Variants in TUBB3 observed in about 807,000 individuals in gnomAD.
TUBB3 encodes the protein tubulin beta-3 chain.
TUBB3 carries 17 observed loss-of-function variants against 37.8 expected under a neutral mutation model. That is an observed-to-expected ratio of 0.45 (90% confidence interval 0.31 to 0.67). The LOEUF (loss-of-function observed/expected upper bound fraction) is 0.67, where lower values mean the gene tolerates loss of function less well. Among genes scored for constraint, TUBB3 ranks in the 30% least tolerant of loss-of-function variants. The probability of loss-of-function intolerance (pLI) is 0.07; values close to 1 mark genes in which losing one functional copy is unlikely to be tolerated. For synonymous variants in TUBB3, 332 were observed against 278.9 expected (o/e 1.19, Z -1.90); for missense variants, 262 against 657.9 (o/e 0.40, Z 6.58).
At chr16:89,925,153 G>A (rs1363461514) in intron 1 of TUBB3, among the ~76,000 whole-genome samples, 3 of 152,228 alleles carry the variant, frequency 2.0e-5, no homozygotes, top group Non-Finnish European at 4.4e-5. Flanking sequence ...GGCTCCACGG[G>A]TAGCAGAGGG....
At chr16:89,930,888 C>T (rs2030256990) in intron 1 of TUBB3, among the ~76,000 whole-genome samples, 1 of 151,168 alleles carries the variant, frequency 6.6e-6, no homozygotes, top group Admixed American at 6.6e-5. Context: ...AGTGCAATGG[C>T]ATGATCTCAG....
rs891008533 is a variant in TUBB3, at chr16:89,923,356, C to T, written c.-46C>T. 3 of 1,430,516 alleles carry T rather than the reference C, an allele frequency of 2.1e-6. No individual in the cohort carries two copies. Among genetic ancestry groups the T allele is most frequent in the East Asian group, 3.2e-5 (1 of 30,828 alleles). 88.6% of individuals were successfully genotyped at this position (1,430,516 alleles called of 1,614,324 possible). A position where few individuals can be genotyped will look rare whatever the true frequency, so the allele number is the denominator to read the frequency against. ...GGTCCCCGACCCTCAGCAGCCAGCC[C>T]GGCCCGCCCGCGCCCGTCCGCAGCC... On this transcript the variant is annotated 5_prime_UTR_variant, in exon 1 of 4. Transcript: ENST00000315491.
intron 1 of TUBB3, among the ~76,000 whole-genome samples, chr16:89,929,480 G>C (rs182442759): frequency 6.6e-6 from 1 of 152,092 alleles, no homozygotes; most frequent in Non-Finnish European, 1.5e-5. Context: ...CATGCTGTCC[G>C]CGTTACAATA....
Position 89,935,153 on chromosome 16 carries a change from C to T in TUBB3, c.702C>T (p.Ser234=), listed in dbSNP as rs147245174. Residue 234 remains serine, a synonymous_variant, in exon 4 of 4, where the codon AGC becomes AGT. Coordinates refer to ENST00000315491, the MANE Select transcript of TUBB3 (RefSeq NM_006086.4). The part of the protein sequence containing the change: ...DLNHLVSATM[S]GVTTSLRFPG... ...ACCACCTGGTATCGGCCACCATGAG[C>T]GGAGTCACCACCTCCTTGCGCTTCC... 0.013 allele frequency: 20,448 copies of T among 1,614,080 alleles called. 204 individuals are homozygous for T. The highest frequency in any genetic ancestry group is 0.036 in the South Asian group (3,274 of 91,086).
In TUBB3 at chr16:89,932,645, G is replaced by T; in HGVS notation, c.132G>T (p.Leu44=). The change falls in exon 2 of 4, where the codon CTG becomes CTT. Residue 44 remains leucine, a synonymous_variant. Coordinates refer to ENST00000315491, the MANE Select transcript of TUBB3 (RefSeq NM_006086.4). ...ACGTGGGCGACTCGGACTTGCAGCTGGAGCGGATCAGCGTCTACTACAACG... is the reference window on the plus strand; with the variant it reads ...ACGTGGGCGACTCGGACTTGCAGCTTGAGCGGATCAGCGTCTACTACAACG... ...GNYVGDSDLQ[L]ERISVYYNEA... The T allele has an allele frequency of 1.2e-6, 2 of 1,614,110 alleles. No homozygotes were observed. The highest frequency in any genetic ancestry group is 1.7e-6 in the Non-Finnish European group (2 of 1,180,016).
intron 1 of TUBB3, among the ~76,000 whole-genome samples, chr16:89,924,469 G>C (rs936260711): frequency 1.3e-5 from 2 of 152,200 alleles, no homozygotes; most frequent in South Asian, 2.1e-4. Context: ...GGGGATCGGG[G>C]GGGGAGGCTG....
chr16:89,927,478 T>TA (rs754963199), intron 1 of TUBB3, among the ~76,000 whole-genome samples: 25 of 152,230 alleles, frequency 1.6e-4, no homozygotes, highest in Middle Eastern at 3.4e-3. Flanking sequence ...TTCTCCTGGT[T>TA]AAAAAAAACC....
At chr16:89,926,956 A>T (rs2030110596) in intron 1 of TUBB3, among the ~76,000 whole-genome samples, 1 of 149,098 alleles carries the variant, frequency 6.7e-6, no homozygotes, top group Non-Finnish European at 1.5e-5. Context: ...ACCTCAGGTG[A>T]TTCACCTGCC....
chr16:89,933,876 C>A (rs1273256154), intron 3 of TUBB3: 45 of 674,560 alleles, frequency 6.7e-5, no homozygotes, highest in Non-Finnish European at 8.1e-6. Context: ...CTCCGGGGTC[C>A]AGGAGCACGA....
At chr16:89,928,475 T>C (rs575787349) in intron 1 of TUBB3, among the ~76,000 whole-genome samples, 16 of 149,808 alleles carry the variant, frequency 1.1e-4, no homozygotes, top group African/African-American at 3.7e-4. Context: ...TCTCCTGCCT[T>C]AGCCTCCTGA....
intron 3 of TUBB3, 111 bp downstream of exon 3, chr16:89,933,689 C>A: frequency 1.1e-6 from 1 of 876,468 alleles, no homozygotes; most frequent in Non-Finnish European, 2.0e-6. Context: ...CTCACATGAT[C>A]CTGAATGGTG....
upstream of TUBB3, among the ~76,000 whole-genome samples, chr16:89,922,845 T>A (rs1014429990): frequency 6.6e-6 from 1 of 152,146 alleles, no homozygotes; most frequent in Non-Finnish European, 1.5e-5. Context: ...GTTCAGGGCC[T>A]GGGCCAGCCT....
intron 1 of TUBB3, among the ~76,000 whole-genome samples, chr16:89,927,754 C>T (rs116076657): frequency 0.064 from 9,793 of 152,280 alleles, 835 homozygotes; most frequent in African/African-American, 0.2. Flanking sequence ...CTGCGAGGCA[C>T]GCGCCTGGCC....
At position 89,936,081 on chromosome 16, in the gene TUBB3, T is replaced by A. The variant is rs1202225013; in HGVS notation, c.*277T>A. 5.5e-6 allele frequency: 3 copies of A among 549,260 alleles called. No individual in the cohort carries two copies. Among genetic ancestry groups the A allele is most frequent in the Non-Finnish European group, 9.8e-6 (3 of 306,604 alleles). 34.0% of individuals were successfully genotyped at this position (549,260 alleles called of 1,614,324 possible). On this transcript the variant is annotated 3_prime_UTR_variant, in exon 4 of 4. Coordinates refer to ENST00000315491, the MANE Select transcript of TUBB3 (RefSeq NM_006086.4). ...TTTCGGGGATACTTAATAAATCTAT[T>A]GCTGTCAGATACCCTTGCTTGGTGC...
At chr16:89,929,045 C>T (rs2030188805) in intron 1 of TUBB3, among the ~76,000 whole-genome samples, 1 of 151,366 alleles carries the variant, frequency 6.6e-6, no homozygotes, top group Non-Finnish European at 1.5e-5. Context: ...TCACTGCAAC[C>T]TCTGCCCCCT....
intron 1 of TUBB3, among the ~76,000 whole-genome samples, chr16:89,927,757 G>T (rs771942429): frequency 6.6e-6 from 1 of 152,240 alleles, no homozygotes; most frequent in African/African-American, 2.4e-5. Flanking sequence ...CGAGGCACGC[G>T]CCTGGCCCAC....
In TUBB3 at chr16:89,935,954, C is replaced by T; in HGVS notation, c.*150C>T. On this transcript the variant is annotated 3_prime_UTR_variant, in exon 4 of 4. Coordinates refer to ENST00000315491, the MANE Select transcript of TUBB3 (RefSeq NM_006086.4). ...CCTCCTGCAGTATTTATGGCCTCGT[C>T]CTCCCCACCTAGGCCACGTGTGAGC... is the stretch of plus-strand genomic sequence containing the variant. The T allele has an allele frequency of 1.0e-6, 1 of 973,630 alleles. No homozygotes were observed. The highest frequency in any genetic ancestry group is 1.6e-5 in the African/African-American group (1 of 61,060). 60.3% of individuals were successfully genotyped at this position (973,630 alleles called of 1,614,324 possible).
intron 1 of TUBB3, among the ~76,000 whole-genome samples, chr16:89,925,242 C>T (rs1167140782): frequency 6.6e-6 from 1 of 152,146 alleles, no homozygotes; most frequent in Admixed American, 6.5e-5. Flanking sequence ...TTGCCCGCTA[C>T]TTTTTATTCC....
intron 1 of TUBB3, among the ~76,000 whole-genome samples, chr16:89,928,150 G>T (rs1257999422): frequency 6.6e-6 from 1 of 152,068 alleles, no homozygotes; most frequent in African/African-American, 2.4e-5. Flanking sequence ...CACCCCCCTG[G>T]CTCAAGTGAT....
Sources: allele counts gnomAD v4.1 joint callset (sites outside exome capture counted in the v4.1 genomes callset), GRCh38; gene constraint gnomAD v4.1.1; transcripts MANE v1.5; gene names NCBI Gene and HGNC (gene_info 2026-07-23, HGNC 2026-07-21).